The following FAM110B variants were observed in gnomAD, a reference collection of about 807,000 sequenced individuals.
FAM110B encodes protein FAM110B.
A neutral mutation model predicts 20.4 loss-of-function variants in FAM110B; 6 were observed. The ratio of observed to expected loss-of-function variants is 0.29; its 90% CI spans 0.16 to 0.58. The LOEUF (loss-of-function observed/expected upper bound fraction) is 0.58. FAM110B is among the 20% of genes least tolerant of loss of function. The pLI is 0.90. For synonymous variants in FAM110B, 226 were observed against 214.1 expected (o/e 1.06, Z -0.49); for missense variants, 434 against 498.2 (o/e 0.87, Z 1.23).
chr8:58,004,743 T>TCAAA (rs1287144604), intron 1 of FAM110B, among the ~76,000 whole-genome samples: 4 of 152,172 alleles, frequency 2.6e-5, no homozygotes, highest in African/African-American at 4.8e-5. Context: ...AAACCCCATC[T>TCAAA]CAAACAAACA....
intron 2 of FAM110B, among the ~76,000 whole-genome samples, chr8:58,034,932 G>A (rs1275971068): frequency 6.6e-6 from 1 of 152,178 alleles, no homozygotes; most frequent in Admixed American, 6.5e-5. Flanking sequence ...ATATCTAATA[G>A]TAGTAGGGAA....
At chr8:58,007,303 A>G (rs1238168760) in intron 1 of FAM110B, among the ~76,000 whole-genome samples, 1 of 152,034 alleles carries the variant, frequency 6.6e-6, no homozygotes, top group East Asian at 1.9e-4. Flanking sequence ...TTTAGAGTCC[A>G]TTGCTATTGT....
chr8:58,075,818 A>C, intron 3 of FAM110B, among the ~76,000 whole-genome samples, 195 bp downstream of exon 3: 1 of 152,230 alleles, frequency 6.6e-6, no homozygotes, highest in East Asian at 1.9e-4. Context: ...TGCCAGGACC[A>C]AAGTATCGGT....
At chr8:57,997,452 T>C (rs1481687878) in intron 1 of FAM110B, among the ~76,000 whole-genome samples, 2 of 152,222 alleles carry the variant, frequency 1.3e-5, no homozygotes, top group African/African-American at 2.4e-5. Flanking sequence ...ATTTTCCCAT[T>C]GTAGAGTCAG....
chr8:58,144,924 G>A (rs1803824973), intron 3 of FAM110B, among the ~76,000 whole-genome samples: 1 of 152,200 alleles, frequency 6.6e-6, no homozygotes, highest in African/African-American at 2.4e-5. Flanking sequence ...TGACAAGTGG[G>A]TTTTATTGTT....
Position 58,147,286 on chromosome 8 carries a change from C to T in FAM110B, c.1056C>T (p.Ile352=). The T allele has an allele frequency of 6.2e-7, 1 of 1,614,122 alleles. No individual in the cohort carries two copies. Among genetic ancestry groups the T allele is most frequent in the Non-Finnish European group, 8.5e-7 (1 of 1,180,020 alleles). Residue 352 remains isoleucine, a synonymous_variant, in exon 4 of 4, where the codon ATC becomes ATT. Transcript: ENST00000519262. ...CCATCGAAAGAAATGCTAGAATCAT[C>T]AAGTGGTTATATAGCATCAAACAAG... ...ISAIERNARI[I]KWLYSIKQAR... is the part of the protein sequence containing the mutation.
At chr8:58,097,181 A>G (rs1441008046) in intron 3 of FAM110B, among the ~76,000 whole-genome samples, 1 of 152,218 alleles carries the variant, frequency 6.6e-6, no homozygotes. Flanking sequence ...AGGTACACCA[A>G]TCAGACATAG....
chr8:58,070,302 C>A, intron 2 of FAM110B: 1 of 152,238 alleles, frequency 6.6e-6, no homozygotes, highest in Admixed American at 6.5e-5. Flanking sequence ...AGGCGCCCGA[C>A]AGAAGGCGTT....
chr8:58,014,030 A>G (rs1289218344), intron 1 of FAM110B, among the ~76,000 whole-genome samples: 1 of 152,028 alleles, frequency 6.6e-6, no homozygotes, highest in African/African-American at 2.4e-5. Context: ...GCTTGTGATG[A>G]TCATGCTTTT....
At chr8:58,026,951 A>G (rs1317082164) in intron 1 of FAM110B, among the ~76,000 whole-genome samples, 1 of 151,714 alleles carries the variant, frequency 6.6e-6, no homozygotes, top group Non-Finnish European at 1.5e-5. Context: ...CCCTGGATCC[A>G]ACTGTTTTTT....
intron 2 of FAM110B, among the ~76,000 whole-genome samples, chr8:58,045,829 C>T (rs1388860684): frequency 6.6e-6 from 1 of 152,190 alleles, no homozygotes; most frequent in Non-Finnish European, 1.5e-5. Flanking sequence ...AACAAAATAT[C>T]TCAGGCTGAG....
At position 58,088,690 on chromosome 8, in the gene FAM110B, G is replaced by T. The variant is rs369928743; in HGVS notation, c.-325+13067G>T. On this transcript the variant is annotated intron_variant, in intron 3 of 3. Coordinates refer to ENST00000519262, the MANE Select transcript of FAM110B (RefSeq NM_001377989.1). ...CTTGAGAGTTGCACCTTCATCTTGG[G>T]TTCAGCAGTGTCCTTAGAGTGAAAA... Among the ~76,000 whole-genome samples the T allele has an allele frequency of 1.4e-4, 22 of 152,272 alleles. No individual in the cohort carries two copies. In the East Asian group the frequency reaches 2.5e-3, roughly 17 times the overall value.
chr8:58,070,006 T>C (rs1805854137), intron 2 of FAM110B, among the ~76,000 whole-genome samples: 1 of 152,204 alleles, frequency 6.6e-6, no homozygotes, highest in African/African-American at 2.4e-5. Context: ...GTTTAATTTA[T>C]TAAAATTGAA....
intron 1 of FAM110B, among the ~76,000 whole-genome samples, chr8:58,003,985 T>C (rs556204248): frequency 3.1e-4 from 47 of 152,238 alleles, no homozygotes; most frequent in African/African-American, 1.0e-3. Context: ...CCCCAACATT[T>C]TTGGCACCAG....
intron 1 of FAM110B, among the ~76,000 whole-genome samples, chr8:58,014,391 G>A (rs1804598485): frequency 6.6e-6 from 1 of 152,150 alleles, no homozygotes; most frequent in African/African-American, 2.4e-5. Context: ...ACACGGTCTG[G>A]GGAGGGCCTC....
At chr8:58,008,339 G>A (rs1351971080) in intron 1 of FAM110B, among the ~76,000 whole-genome samples, 2 of 151,930 alleles carry the variant, frequency 1.3e-5, no homozygotes, top group Non-Finnish European at 1.5e-5. Flanking sequence ...CACCATGTTG[G>A]CCAGGCTGGT....
chr8:58,075,287 G>GTGTGTGTGTGTGTC (rs1806010199), intron 2 of FAM110B, among the ~76,000 whole-genome samples: 1 of 149,662 alleles, frequency 6.7e-6, no homozygotes, highest in African/African-American at 2.5e-5. Flanking sequence ...GTGTGTGTGT[G>GTGTGTGTGTGTGTC]TGTGTGTGTT....
intron 3 of FAM110B, among the ~76,000 whole-genome samples, chr8:58,102,398 G>A (rs1009159361): frequency 1.3e-5 from 2 of 152,078 alleles, no homozygotes; most frequent in Admixed American, 6.6e-5. Flanking sequence ...AGGATTTACC[G>A]TTTACATAAT....
rs192798445 is a variant in FAM110B, at chr8:58,006,786, A to G, written c.-512+11980A>G. Among the ~76,000 whole-genome samples the G allele has an allele frequency of 2.7e-3, 410 of 151,010 alleles. 2 individuals are homozygous for G. The highest frequency in any genetic ancestry group is 7.8e-3 in the East Asian group (40 of 5,130). On this transcript the variant is annotated intron_variant, in intron 1 of 3. Transcript: ENST00000519262. Reference sequence around the variant, plus strand: ...CCTGGCTAATTTTTGTGTTTTTAGTAGTGACAAGGTTTCTGCATCTCTACG... The same window carrying G: ...CCTGGCTAATTTTTGTGTTTTTAGTGGTGACAAGGTTTCTGCATCTCTACG...
Sources: allele counts gnomAD v4.1 joint callset (sites outside exome capture counted in the v4.1 genomes callset), GRCh38; gene constraint gnomAD v4.1.1; transcripts MANE v1.5; gene names NCBI Gene and HGNC (gene_info 2026-07-23, HGNC 2026-07-21).